DMD: variants seen among roughly 807,000 people sequenced by gnomAD.
DMD encodes the protein dystrophin.
DMD carries 63 observed loss-of-function variants against 330.1 expected under a neutral mutation model. That is an observed-to-expected ratio of 0.19 (90% CI 0.16 to 0.24). The LOEUF is 0.24. Among genes scored for constraint, DMD ranks in the 10% least tolerant of loss-of-function variants. DMD has a pLI of 1.00. For synonymous variants in DMD, 1,223 were observed against 959.8 expected (o/e 1.27, Z -5.07); for missense variants, 3,344 against 2,684.1 (o/e 1.25, Z -5.43).
chrX:32,942,762 C>G (rs571302854), intron 2 of DMD, among the ~76,000 whole-genome samples: 1 of 111,032 alleles, frequency 9.0e-6, no homozygotes, highest in South Asian at 3.8e-4. Flanking sequence ...TGACAAAACA[C>G]GAGACCTAAT....
intron 47 of DMD, among the ~76,000 whole-genome samples, chrX:31,905,375 T>A (rs774548406): frequency 9.0e-6 from 1 of 111,278 alleles, no homozygotes; most frequent in East Asian, 2.8e-4. Flanking sequence ...TTAAACTTGG[T>A]TCTTTGGGGG....
chrX:31,159,588 C>G (rs1041316949), intron 74 of DMD, among the ~76,000 whole-genome samples: 1 of 111,404 alleles, frequency 9.0e-6, no homozygotes, highest in Non-Finnish European at 1.9e-5. Flanking sequence ...TGGTCTTCTT[C>G]TTACACAAAC....
At chrX:32,302,048 A>T (rs2097525374) in intron 42 of DMD, among the ~76,000 whole-genome samples, 2 of 111,239 alleles carry the variant, frequency 1.8e-5, no homozygotes, top group African/African-American at 6.5e-5. Flanking sequence ...GAATAAAAAA[A>T]TTACTCCTGA....
intron 44 of DMD, among the ~76,000 whole-genome samples, chrX:31,973,685 A>C (rs1245196756): frequency 9.0e-6 from 1 of 111,556 alleles, no homozygotes; most frequent in Non-Finnish European, 1.9e-5. Context: ...ACTCATCTTT[A>C]ATAGTTAGCA....
chrX:32,152,489 G>C (rs1329747459), intron 44 of DMD, among the ~76,000 whole-genome samples: 2 of 111,151 alleles, frequency 1.8e-5, no homozygotes, highest in Non-Finnish European at 3.8e-5. Flanking sequence ...AAGCCAGGCT[G>C]AAAATGTTCC....
intron 44 of DMD, among the ~76,000 whole-genome samples, chrX:32,163,211 C>T (rs991598532): frequency 1.8e-5 from 2 of 111,757 alleles, no homozygotes; most frequent in Admixed American, 9.5e-5. Flanking sequence ...ATCAGCAAAC[C>T]TGGTAGTGCT....
At chrX:31,787,172 G>A (rs1173720114) in intron 50 of DMD, among the ~76,000 whole-genome samples, 1 of 110,906 alleles carries the variant, frequency 9.0e-6, no homozygotes, top group African/African-American at 3.3e-5. Context: ...CGGAGTTCAA[G>A]GCCAGCCTGA....
chrX:31,135,759 A>C (rs866164109), intron 76 of DMD, among the ~76,000 whole-genome samples: 1 of 112,671 alleles, frequency 8.9e-6, no homozygotes, highest in Non-Finnish European at 1.9e-5. Flanking sequence ...CAATCTTCCA[A>C]TAGTGAAAAT....
chrX:33,326,454 C>A (rs921110317), intron 1 of DMD, among the ~76,000 whole-genome samples: 9 of 111,427 alleles, frequency 8.1e-5, no homozygotes. Context: ...AAAGCATGTA[C>A]CAAGTAAATA....
At chrX:31,463,503 A>T (rs911983603) in intron 59 of DMD, among the ~76,000 whole-genome samples, 3 of 112,230 alleles carry the variant, frequency 2.7e-5, no homozygotes, top group African/African-American at 9.7e-5. Flanking sequence ...GTAATTGTCA[A>T]GCATGACAGG....
At chrX:33,333,003 C>T (rs1291633290) in intron 1 of DMD, among the ~76,000 whole-genome samples, 1 of 110,346 alleles carries the variant, frequency 9.1e-6, no homozygotes, top group Non-Finnish European at 1.9e-5. Flanking sequence ...ATATTCTTAC[C>T]CTTGGAATCA....
chrX:32,618,564 A>G (rs1313825804), intron 11 of DMD, among the ~76,000 whole-genome samples: 1 of 111,113 alleles, frequency 9.0e-6, no homozygotes, highest in East Asian at 2.8e-4. Flanking sequence ...AATGAGTACT[A>G]AGCTTATACC....
At chrX:32,518,282 T>C (rs2046063590) in intron 17 of DMD, 151 bp from the exon 18 acceptor site, 1 of 568,532 alleles carries the variant, frequency 1.8e-6, no homozygotes, top group Non-Finnish European at 2.8e-6. Context: ...CTATTTTCCC[T>C]GTTAGGTAGA....
At chrX:32,111,180 G>C (rs2096587762) in intron 44 of DMD, among the ~76,000 whole-genome samples, 1 of 111,834 alleles carries the variant, frequency 8.9e-6, no homozygotes, top group South Asian at 3.7e-4. Flanking sequence ...AACAGTCCTA[G>C]GATATGTGTA....
chrX:31,377,223 C>CA (rs2059928032), intron 60 of DMD, among the ~76,000 whole-genome samples: 1 of 111,358 alleles, frequency 9.0e-6, no homozygotes, highest in Non-Finnish European at 1.9e-5. Context: ...CTGTCTTTGC[C>CA]AAGAGGGTTT....
chrX:32,413,074 A>G (rs1212622435), intron 29 of DMD, among the ~76,000 whole-genome samples: 1 of 110,666 alleles, frequency 9.0e-6, no homozygotes, highest in East Asian at 2.9e-4. Context: ...TTTTGACTCC[A>G]TTAAGATTTT....
At chrX:31,959,990 C>T (rs150858923) in intron 45 of DMD, among the ~76,000 whole-genome samples, 3,907 of 108,984 alleles carry the variant, frequency 0.036, 70 homozygotes, top group Non-Finnish European at 0.055. Flanking sequence ...AAATCCTGAC[C>T]TCAGGTGATC....
chrX:32,612,722 A>C (rs2057272478), intron 12 of DMD, among the ~76,000 whole-genome samples: 1 of 111,548 alleles, frequency 9.0e-6, no homozygotes, highest in South Asian at 3.7e-4. Context: ...ATTAGTATCT[A>C]TATGACAAGT....
At chrX:32,394,150 T>A (rs778302698) in intron 30 of DMD, among the ~76,000 whole-genome samples, 14 of 111,996 alleles carry the variant, frequency 1.3e-4, no homozygotes, top group Middle Eastern at 4.7e-3. Context: ...AACTTGATTT[T>A]AAAAAAACCT....
Sources: allele counts gnomAD v4.1 joint callset (sites outside exome capture counted in the v4.1 genomes callset), GRCh38; gene constraint gnomAD v4.1.1; transcripts MANE v1.5; gene names NCBI Gene and HGNC (gene_info 2026-07-23, HGNC 2026-07-21).